LTBP1: variants seen among roughly 807,000 people sequenced by gnomAD.
LTBP1 encodes the protein latent transforming growth factor beta binding protein 1, also known as latent-transforming growth factor beta-binding protein 1.
In LTBP1, 129 loss-of-function variants were observed where a neutral mutation model predicts 207.6. That is an observed-to-expected ratio of 0.62 (90% CI 0.54 to 0.72). The LOEUF is 0.72. LTBP1 is among the 30% of genes least tolerant of loss of function. The probability of loss-of-function intolerance (pLI) is 0.00; values close to 1 mark genes in which losing one functional copy is unlikely to be tolerated. For missense variants in LTBP1, 2,281 were observed against 2,217.2 expected, an observed-to-expected ratio of 1.03 and a Z score of -0.58; for synonymous variants, 963 against 833.7, an observed-to-expected ratio of 1.16 and a Z score of -2.67.
chr2:32,977,499 T>C (rs1310690805), intron 2 of LTBP1, among the ~76,000 whole-genome samples: 1 of 152,204 alleles, frequency 6.6e-6, no homozygotes, highest in East Asian at 1.9e-4. Context: ...GACTGTGGCC[T>C]CTACTGGGGT....
intron 4 of LTBP1, among the ~76,000 whole-genome samples, chr2:33,130,744 T>C (rs771515834): frequency 8.5e-5 from 13 of 152,128 alleles, no homozygotes; most frequent in Admixed American, 2.0e-4. Context: ...ATGTTGACTC[T>C]TGAGTGTCTT....
In LTBP1 at chr2:33,257,329, C is replaced by T. The variant is rs765745245; in HGVS notation, c.2213C>T (p.Ser738Phe). The T allele has an allele frequency of 1.9e-6, 3 of 1,614,204 alleles. No homozygotes were observed. In the East Asian group the frequency reaches 6.7e-5, roughly 36 times the overall value. The change falls in exon 12 of 34, where the codon TCT becomes TTT. Residue 738 changes from serine to phenylalanine, a missense_variant. Coordinates refer to ENST00000404816, the MANE Select transcript of LTBP1 (RefSeq NM_206943.4). ...ICPGGMGYTV[S>F]GVHRRRPIHH... ...CCTGGTGGAATGGGTTATACGGTTTCTGGCGTTCATAGACGCAGGCCAATC... is the reference window on the plus strand; with the variant it reads ...CCTGGTGGAATGGGTTATACGGTTTTTGGCGTTCATAGACGCAGGCCAATC...
chr2:33,032,622 C>G (rs552200338), intron 3 of LTBP1, among the ~76,000 whole-genome samples: 1 of 152,128 alleles, frequency 6.6e-6, no homozygotes, highest in East Asian at 1.9e-4. Flanking sequence ...GTCTTCCTAG[C>G]TGGACTGCAT....
intron 3 of LTBP1, among the ~76,000 whole-genome samples, chr2:33,081,399 A>T (rs770150725): frequency 3.9e-5 from 6 of 152,134 alleles, no homozygotes; most frequent in Non-Finnish European, 8.8e-5. Context: ...GTATGGACAC[A>T]CACGAGCATA....
intron 19 of LTBP1, among the ~76,000 whole-genome samples, chr2:33,291,192 A>G (rs775649957): frequency 5.3e-5 from 8 of 152,368 alleles, no homozygotes; most frequent in Non-Finnish European, 1.2e-4. Flanking sequence ...ATTCTGCTTC[A>G]TCATTAATCA....
At chr2:33,015,337 G>A (rs959324227) in intron 2 of LTBP1, among the ~76,000 whole-genome samples, 1 of 152,230 alleles carries the variant, frequency 6.6e-6, no homozygotes, top group African/African-American at 2.4e-5. Flanking sequence ...AAGTCTGCAA[G>A]TGTAGATGTT....
chr2:33,171,550 C>T (rs1179938588), intron 5 of LTBP1, among the ~76,000 whole-genome samples: 35 of 150,176 alleles, frequency 2.3e-4, no homozygotes, highest in South Asian at 1.1e-3. Flanking sequence ...CTGAAAGTGA[C>T]GGGGAGAATG....
intron 33 of LTBP1, among the ~76,000 whole-genome samples, chr2:33,397,801 C>T (rs577132767): frequency 7.4e-4 from 113 of 151,726 alleles, no homozygotes; most frequent in African/African-American, 2.5e-3. Flanking sequence ...GGATTACAGG[C>T]GTGAGCCACC....
At chr2:33,038,894 G>A (rs556498889) in intron 3 of LTBP1, among the ~76,000 whole-genome samples, 1 of 152,276 alleles carries the variant, frequency 6.6e-6, no homozygotes, top group South Asian at 2.1e-4. Flanking sequence ...AGATGTGTAG[G>A]ATCCTCTGGG....
chr2:33,051,162 A>G (rs936746197), intron 3 of LTBP1, among the ~76,000 whole-genome samples: 4 of 152,198 alleles, frequency 2.6e-5, no homozygotes, highest in African/African-American at 9.7e-5. Flanking sequence ...TGTGCCTGTG[A>G]TCACAGCGCT....
At chr2:33,283,468 G>A (rs952213840) in intron 19 of LTBP1, among the ~76,000 whole-genome samples, 4 of 110,512 alleles carry the variant, frequency 3.6e-5, no homozygotes, top group Admixed American at 1.4e-4. Context: ...ACGGAGTCTC[G>A]CTCTTTCGCC....
At chr2:33,268,698 T>C (rs2093245266) in intron 15 of LTBP1, among the ~76,000 whole-genome samples, 1 of 152,358 alleles carries the variant, frequency 6.6e-6, no homozygotes, top group Non-Finnish European at 1.5e-5. Flanking sequence ...CTGGCAGATA[T>C]TTACAAAGTG....
At position 33,124,657 on chromosome 2, in the gene LTBP1, G is replaced by T. The variant is rs114227998; in HGVS notation, c.1034-10136G>T. 5.0e-3 allele frequency among the ~76,000 whole-genome samples: 766 copies of T among 152,334 alleles called. 2 individuals are homozygous for T. Among genetic ancestry groups the T allele is most frequent in the Non-Finnish European group, 7.4e-3 (506 of 68,026 alleles). On this transcript the variant is annotated intron_variant, in intron 4 of 33. Transcript: ENST00000404816. The stretch of plus-strand genomic sequence containing the variant: ...AGATTTAGAAGTGGTTATAGATTTT[G>T]CTGTGTAGTATATCATGGTTTAAAT...
In LTBP1 at chr2:33,341,581, A is replaced by G. The variant is rs1220061584; in HGVS notation, c.3731-1257A>G. Among the ~76,000 whole-genome samples the G allele has an allele frequency of 4.6e-5, 7 of 151,252 alleles. 1 individual carries two copies. The South Asian group carries it at 1.5e-3, about 32-fold the overall frequency. Reference sequence around the variant, plus strand: ...AAAAAATTAGCCAGGCGTGGTGGCGAGTGCCTGTAGTCCCAGCTACTCAGG... The same window carrying G: ...AAAAAATTAGCCAGGCGTGGTGGCGGGTGCCTGTAGTCCCAGCTACTCAGG... On this transcript the variant is annotated intron_variant, in intron 24 of 33. Coordinates refer to ENST00000404816, the MANE Select transcript of LTBP1 (RefSeq NM_206943.4).
At chr2:32,981,327 A>C (rs563366591) in intron 2 of LTBP1, among the ~76,000 whole-genome samples, 2 of 152,180 alleles carry the variant, frequency 1.3e-5, no homozygotes, top group African/African-American at 4.8e-5. Flanking sequence ...GATATGTTGT[A>C]CTTGGTATTG....
Position 33,368,102 on chromosome 2 carries a change from G to A in LTBP1, c.4711+2599G>A, listed in dbSNP as rs180806765. ...CATGCCTGTAATCTCAGCTACTCAG[G>A]AGGCTGAGGCAGGAGAATAGCTTGA... On this transcript the variant is annotated intron_variant, in intron 31 of 33. Transcript: ENST00000404816. Among the ~76,000 whole-genome samples, 300 of 152,222 alleles carry A rather than the reference G, an allele frequency of 2.0e-3. 3 individuals are homozygous for A. The highest frequency in any genetic ancestry group is 7.0e-3 in the African/African-American group (291 of 41,532).
At chr2:33,011,371 A>C (rs1687653578) in intron 2 of LTBP1, among the ~76,000 whole-genome samples, 1 of 152,178 alleles carries the variant, frequency 6.6e-6, no homozygotes, top group Non-Finnish European at 1.5e-5. Context: ...AGAAGTCCTA[A>C]TCCCCAGTAT....
chr2:33,072,821 G>A (rs903188233), intron 3 of LTBP1, among the ~76,000 whole-genome samples: 9 of 152,214 alleles, frequency 5.9e-5, no homozygotes, highest in East Asian at 3.8e-4. Flanking sequence ...GGAAAAGCAT[G>A]TATTAGCTCT....
At chr2:33,155,453 GTTTCT>G (rs1334283443) in intron 5 of LTBP1, among the ~76,000 whole-genome samples, 1 of 152,184 alleles carries the variant, frequency 6.6e-6, no homozygotes, top group Non-Finnish European at 1.5e-5. Flanking sequence ...ATGAGATTAA[GTTTCT>G]TTTCATGTGC....
Sources: gnomAD v4.1 joint callset for allele counts (sites outside exome capture counted in the v4.1 genomes callset) on GRCh38, gnomAD v4.1.1 for gene constraint, MANE v1.5 for transcripts, NCBI Gene and HGNC (gene_info 2026-07-23, HGNC 2026-07-21) for gene names.